NDUFS4: variants seen among roughly 807,000 people sequenced by gnomAD.
NDUFS4 encodes the protein NADH dehydrogenase [ubiquinone] iron-sulfur protein 4, mitochondrial.
In NDUFS4, 28 loss-of-function variants were observed where a neutral mutation model predicts 24.3. The observed-to-expected ratio is 1.15, with a 90% CI of 0.85 to 1.58. The LOEUF (loss-of-function observed/expected upper bound fraction) is 1.58, where lower values mean the gene tolerates loss of function less well. Ranked by LOEUF, NDUFS4 falls within the 40% of genes most tolerant of loss-of-function variation. The probability of loss-of-function intolerance (pLI) is 0.00; values close to 1 mark genes in which losing one functional copy is unlikely to be tolerated. For synonymous variants in NDUFS4, 93 were observed against 69.7 expected, an observed-to-expected ratio of 1.34 and a Z score of -1.67; for missense variants, 223 against 207.9, an observed-to-expected ratio of 1.07 and a Z score of -0.45.
intron 1 of NDUFS4, among the ~76,000 whole-genome samples, chr5:53,573,186 G>T (rs964234936): frequency 5.3e-5 from 8 of 151,800 alleles, no homozygotes; most frequent in African/African-American, 1.9e-4. Flanking sequence ...TGTTGCCCAG[G>T]CTGGTCTTGA....
chr5:53,605,182 T>C (rs916604551), intron 2 of NDUFS4, among the ~76,000 whole-genome samples: 2 of 152,022 alleles, frequency 1.3e-5, no homozygotes, highest in Non-Finnish European at 2.9e-5. Flanking sequence ...GATCGCACCA[T>C]TACTCTCCAG....
intron 2 of NDUFS4, among the ~76,000 whole-genome samples, chr5:53,628,372 G>A (rs998780806): frequency 6.6e-6 from 1 of 152,148 alleles, no homozygotes; most frequent in South Asian, 2.1e-4. Flanking sequence ...CCAGTTTTTG[G>A]TATCAGGATG....
At chr5:53,608,771 T>C (rs1223155444) in intron 2 of NDUFS4, among the ~76,000 whole-genome samples, 2 of 152,224 alleles carry the variant, frequency 1.3e-5, no homozygotes, top group African/African-American at 4.8e-5. Context: ...CTTCTTTCTT[T>C]TTTGTTTTTG....
chr5:53,641,200 T>C (rs1751697609), intron 2 of NDUFS4, among the ~76,000 whole-genome samples: 1 of 152,126 alleles, frequency 6.6e-6, no homozygotes, highest in South Asian at 2.1e-4. Flanking sequence ...TCATACATGA[T>C]GAAAAAGGAG....
At chr5:53,610,342 C>T (rs947531705) in intron 2 of NDUFS4, among the ~76,000 whole-genome samples, 22 of 152,096 alleles carry the variant, frequency 1.4e-4, no homozygotes, top group African/African-American at 3.4e-4. Flanking sequence ...CTAATATGGA[C>T]GCAGTTTGTG....
intron 3 of NDUFS4, among the ~76,000 whole-genome samples, chr5:53,647,239 G>T (rs1359335998): frequency 7.9e-5 from 12 of 151,826 alleles, no homozygotes; most frequent in Admixed American, 6.6e-4. Flanking sequence ...TAGAGATGTG[G>T]TCTTGCCCCC....
intron 4 of NDUFS4, among the ~76,000 whole-genome samples, chr5:53,672,535 T>C (rs147824527): frequency 1.3e-5 from 2 of 152,190 alleles, no homozygotes; most frequent in East Asian, 3.9e-4. Context: ...AAGGAACTGA[T>C]CTAAAATCTG....
At chr5:53,673,377 A>G (rs28541946) in intron 4 of NDUFS4, among the ~76,000 whole-genome samples, 2,401 of 152,230 alleles carry the variant, frequency 0.016, 84 homozygotes, top group African/African-American at 0.055. Context: ...TCTAGGTGCA[A>G]TGATATCCTG....
intron 2 of NDUFS4, among the ~76,000 whole-genome samples, chr5:53,643,769 C>T (rs1037464236): frequency 6.6e-6 from 1 of 152,054 alleles, no homozygotes; most frequent in African/African-American, 2.4e-5. Context: ...AGATGCCAAG[C>T]CTCTTTATTC....
chr5:53,597,584 C>A (rs542198796), intron 1 of NDUFS4, among the ~76,000 whole-genome samples: 1 of 152,236 alleles, frequency 6.6e-6, no homozygotes, highest in South Asian at 2.1e-4. Context: ...TAAAAATCTT[C>A]ACTGTTTAAG....
chr5:53,603,630 T>C, intron 2 of NDUFS4, 100 bp downstream of exon 2: 2 of 882,918 alleles, frequency 2.3e-6, no homozygotes, highest in Non-Finnish European at 3.7e-6. Context: ...GGAAAGTGAT[T>C]TGAATTTGAA....
At chr5:53,656,869 A>C (rs887127108) in intron 3 of NDUFS4, among the ~76,000 whole-genome samples, 5 of 152,098 alleles carry the variant, frequency 3.3e-5, no homozygotes, top group Admixed American at 6.6e-5. Context: ...AAAGAGCTTA[A>C]ACTGGTGGTG....
At chr5:53,649,997 A>G (rs1251164274) in intron 3 of NDUFS4, among the ~76,000 whole-genome samples, 1 of 152,154 alleles carries the variant, frequency 6.6e-6, no homozygotes, top group Non-Finnish European at 1.5e-5. Flanking sequence ...TATGTTTCAT[A>G]TAATATATAG....
At chr5:53,586,520 GTTTGTTTA>G (rs1749760958) in intron 1 of NDUFS4, among the ~76,000 whole-genome samples, 2 of 146,906 alleles carry the variant, frequency 1.4e-5, no homozygotes, top group Non-Finnish European at 3.0e-5. Context: ...TAGTTTGTTT[GTTTGTTTA>G]TTTATTTATT....
intron 3 of NDUFS4, among the ~76,000 whole-genome samples, chr5:53,657,317 C>A (rs1476403011): frequency 6.6e-6 from 1 of 152,018 alleles, no homozygotes; most frequent in African/African-American, 2.4e-5. Context: ...ATATGAAGCT[C>A]TTTTGCTTAC....
At chr5:53,664,473 A>C (rs1038259734) in intron 4 of NDUFS4, among the ~76,000 whole-genome samples, 1 of 152,186 alleles carries the variant, frequency 6.6e-6, no homozygotes, top group African/African-American at 2.4e-5. Flanking sequence ...TACACCAATC[A>C]GACGTAGATT....
At chr5:53,619,402 G>A (rs1237141078) in intron 2 of NDUFS4, among the ~76,000 whole-genome samples, 2 of 140,592 alleles carry the variant, frequency 1.4e-5, no homozygotes, top group South Asian at 2.3e-4. Context: ...AGGCAGAATC[G>A]CTTGAACCCA....
intron 2 of NDUFS4, among the ~76,000 whole-genome samples, chr5:53,629,017 G>T (rs1217509194): frequency 6.6e-6 from 1 of 152,074 alleles, no homozygotes; most frequent in East Asian, 1.9e-4. Context: ...TGGGCATTTA[G>T]TGCTATAAAT....
At chr5:53,667,801 G>A (rs1752563811) in intron 4 of NDUFS4, among the ~76,000 whole-genome samples, 1 of 152,200 alleles carries the variant, frequency 6.6e-6, no homozygotes. Context: ...ACTTGAACAA[G>A]TCATGCTTCA....
Sources: gnomAD v4.1 joint callset for allele counts (sites outside exome capture counted in the v4.1 genomes callset) on GRCh38, gnomAD v4.1.1 for gene constraint, MANE v1.5 for transcripts, NCBI Gene and HGNC (gene_info 2026-07-23, HGNC 2026-07-21) for gene names.